Variants in NEDD9 observed in about 807,000 individuals in gnomAD.
NEDD9 encodes neural precursor cell expressed, developmentally down-regulated 9.
NEDD9 carries 26 observed loss-of-function variants against 76.6 expected under a neutral mutation model. The ratio of observed to expected loss-of-function variants is 0.34; its 90% CI spans 0.25 to 0.47. NEDD9 has a LOEUF of 0.47. Among genes scored for constraint, NEDD9 ranks in the 20% least tolerant of loss-of-function variants. The probability of loss-of-function intolerance (pLI) is 1.00; values close to 1 mark genes in which losing one functional copy is unlikely to be tolerated. For synonymous variants in NEDD9, 392 were observed against 414.2 expected (o/e 0.95, Z 0.65); for missense variants, 937 against 1,058.5 (o/e 0.89, Z 1.59).
upstream of NEDD9, among the ~76,000 whole-genome samples, chr6:11,234,515 G>GT (rs1046563664): frequency 6.6e-6 from 1 of 152,028 alleles, no homozygotes; most frequent in Non-Finnish European, 1.5e-5. Context: ...TTGTGCTGGG[G>GT]TTTTTTTGTA....
intron 2 of NEDD9, among the ~76,000 whole-genome samples, chr6:11,195,075 G>T (rs1332339021): frequency 3.9e-5 from 6 of 152,174 alleles, no homozygotes; most frequent in Non-Finnish European, 7.3e-5. Flanking sequence ...CTGGCGTCAG[G>T]CTGCCTACAG....
At chr6:11,217,087 C>A (rs991212490) in intron 1 of NEDD9, among the ~76,000 whole-genome samples, 1 of 152,216 alleles carries the variant, frequency 6.6e-6, no homozygotes, top group East Asian at 1.9e-4. Context: ...ACAGATAATA[C>A]ATCAGCAGGT....
chr6:11,225,546 G>T (rs1320262147), intron 1 of NEDD9, among the ~76,000 whole-genome samples: 1 of 152,298 alleles, frequency 6.6e-6, no homozygotes, highest in East Asian at 1.9e-4. Context: ...CTGTCGCCCA[G>T]GCTGGAGTGC....
intron 2 of NEDD9, among the ~76,000 whole-genome samples, chr6:11,327,438 C>T (rs559496173): frequency 9.8e-5 from 15 of 152,328 alleles, no homozygotes; most frequent in African/African-American, 2.9e-4. Context: ...CCTGTGAGTC[C>T]TATTTAAAGT....
At chr6:11,246,705 G>C (rs1258050631) in intron 3 of NEDD9, among the ~76,000 whole-genome samples, 1 of 152,130 alleles carries the variant, frequency 6.6e-6, no homozygotes, top group Non-Finnish European at 1.5e-5. Flanking sequence ...ATGGCAGCCC[G>C]GGAAACTCTC....
chr6:11,375,864 A>T (rs1762961028), intron 1 of NEDD9, among the ~76,000 whole-genome samples: 1 of 151,512 alleles, frequency 6.6e-6, no homozygotes, highest in African/African-American at 2.4e-5. Flanking sequence ...TCACTCTATC[A>T]CTCAGGCTGG....
intron 5 of NEDD9, among the ~76,000 whole-genome samples, chr6:11,189,691 A>C (rs550290319): frequency 1.3e-5 from 2 of 152,168 alleles, no homozygotes; most frequent in East Asian, 1.9e-4. Flanking sequence ...TACCCCATTC[A>C]TTTTGCAAAT....
chr6:11,192,350 T>C lies in NEDD9; in HGVS notation c.658A>G (p.Lys220Glu). 2 of 1,566,556 alleles carry C rather than the reference T, an allele frequency of 1.3e-6. No homozygotes were observed. Reference protein sequence around the residue: ...PQGVYDIPPTKGVYAIPPSAC... With the variant: ...PQGVYDIPPTEGVYAIPPSAC... ...CTTTGTAGTCACTCACTCACCCCTT[T>C]TGTAGGCGGGATGTCATACACCCCT... Residue 220 changes from lysine to glutamate, a missense_variant, in exon 4 of 7, where the codon AAA becomes GAA. Lys to Glu is a moderately conservative substitution (Grantham distance 56). Coordinates refer to ENST00000379446, the MANE Select transcript of NEDD9 (RefSeq NM_006403.4).
intron 2 of NEDD9, among the ~76,000 whole-genome samples, chr6:11,308,508 T>G (rs1761261985): frequency 6.6e-6 from 1 of 150,966 alleles, no homozygotes; most frequent in Non-Finnish European, 1.5e-5. Flanking sequence ...TAGCTGGGAC[T>G]ACAGGCGCCC....
At chr6:11,272,119 C>T (rs989496737) in intron 3 of NEDD9, among the ~76,000 whole-genome samples, 3 of 152,188 alleles carry the variant, frequency 2.0e-5, no homozygotes, top group Non-Finnish European at 4.4e-5. Context: ...TCCCTCTGCT[C>T]CTTTCCATGG....
intron 3 of NEDD9, among the ~76,000 whole-genome samples, chr6:11,294,824 C>T (rs866958936): frequency 3.9e-5 from 6 of 152,074 alleles, no homozygotes; most frequent in African/African-American, 1.4e-4. Context: ...TTGGCTGTGT[C>T]CCCACCCAAA....
intron 2 of NEDD9, among the ~76,000 whole-genome samples, chr6:11,195,501 A>G (rs565645157): frequency 6.6e-6 from 1 of 151,606 alleles, no homozygotes; most frequent in East Asian, 1.9e-4. Context: ...AGAAATGAAG[A>G]TCTCCCCTTA....
At chr6:11,352,825 G>T (rs550172340) in intron 1 of NEDD9, 1 of 152,300 alleles carries the variant, frequency 6.6e-6, no homozygotes, top group Non-Finnish European at 1.5e-5. Context: ...TCATGATCTC[G>T]CTTTTCTACT....
At chr6:11,253,438 A>T (rs1759947653) in intron 3 of NEDD9, among the ~76,000 whole-genome samples, 1 of 152,184 alleles carries the variant, frequency 6.6e-6, no homozygotes, top group Non-Finnish European at 1.5e-5. Context: ...TTGAAAAGTC[A>T]TACATCTCCA....
chr6:11,354,722 G>A (rs1160222714), intron 1 of NEDD9, among the ~76,000 whole-genome samples: 1 of 152,106 alleles, frequency 6.6e-6, no homozygotes, highest in Admixed American at 6.5e-5. Flanking sequence ...TGGTGCCAGG[G>A]GTGGGTGCAT....
chr6:11,260,256 C>T (rs543847621), intron 3 of NEDD9, among the ~76,000 whole-genome samples: 33 of 152,140 alleles, frequency 2.2e-4, no homozygotes, highest in Non-Finnish European at 3.1e-4. Context: ...TGAGAAGCTC[C>T]CGGAAGGCCT....
intron 5 of NEDD9, 65 bp downstream of exon 5, chr6:11,189,898 AG>A: frequency 6.7e-7 from 1 of 1,486,264 alleles, no homozygotes. Context: ...ACATCCTTAT[AG>A]GCATCTTTCT....
At chr6:11,219,195 C>T (rs1381464436) in intron 1 of NEDD9, among the ~76,000 whole-genome samples, 2 of 152,176 alleles carry the variant, frequency 1.3e-5, no homozygotes, top group African/African-American at 4.8e-5. Flanking sequence ...CAACTCCTCC[C>T]TGCCTTTTTT....
intron 1 of NEDD9, among the ~76,000 whole-genome samples, chr6:11,363,394 A>G (rs1271579559): frequency 2.6e-5 from 4 of 152,148 alleles, no homozygotes; most frequent in Admixed American, 2.6e-4. Context: ...CACTATCTAG[A>G]TCTTATGGAA....
Sources: gnomAD v4.1 joint callset for allele counts (sites outside exome capture counted in the v4.1 genomes callset) on GRCh38, gnomAD v4.1.1 for gene constraint, MANE v1.5 for transcripts, NCBI Gene and HGNC (gene_info 2026-07-23, HGNC 2026-07-21) for gene names.